The following ABL2 variants were observed in gnomAD, a reference collection of about 807,000 sequenced individuals.
The protein encoded by ABL2 is ABL proto-oncogene 2, non-receptor tyrosine kinase, also known as tyrosine-protein kinase ABL2.
Under a neutral mutation model 107.7 loss-of-function variants are expected in ABL2, and 49 were observed. The ratio of observed to expected loss-of-function variants is 0.45; its 90% CI spans 0.36 to 0.58. The LOEUF (loss-of-function observed/expected upper bound fraction) is 0.58, where lower values mean the gene tolerates loss of function less well. Among genes scored for constraint, ABL2 ranks in the 20% least tolerant of loss-of-function variants. ABL2 has a pLI of 0.00. For synonymous variants in ABL2, 549 were observed against 548.6 expected (o/e 1.00, Z -0.01); for missense variants, 1,245 against 1,457.0 (o/e 0.85, Z 2.37).
intron 1 of ABL2, among the ~76,000 whole-genome samples, chr1:179,161,619 G>A (rs1260502823): frequency 2.6e-5 from 4 of 152,186 alleles, no homozygotes; most frequent in Non-Finnish European, 1.5e-5. Context: ...GCTGAGACAG[G>A]AGGATTGCTT....
In ABL2 at chr1:179,121,672, C is replaced by G; in HGVS notation, c.883G>C (p.Gly295Arg). Residue 295 changes from glycine to arginine, a missense_variant, in exon 5 of 12, where the codon GGG becomes CGG. Coordinates refer to ENST00000502732, the MANE Select transcript of ABL2 (RefSeq NM_007314.4). ...TAAACCTCTCCATACTGACCGCCCCCAAGTTTGTGCTTCATGGTAATATCT... is the reference window on the plus strand; with the variant it reads ...TAAACCTCTCCATACTGACCGCCCCGAAGTTTGTGCTTCATGGTAATATCT... ...RTDITMKHKL[G>R]GGQYGEVYVG... 3.1e-6 allele frequency: 5 copies of G among 1,614,192 alleles called. No homozygotes were observed. The highest frequency in any genetic ancestry group is 4.2e-6 in the Non-Finnish European group (5 of 1,180,040).
chr1:179,212,742 A>G (rs1190339606), intron 1 of ABL2, among the ~76,000 whole-genome samples: 2 of 147,050 alleles, frequency 1.4e-5, no homozygotes, highest in Non-Finnish European at 3.0e-5. Context: ...TCAAAAAAAA[A>G]AGAAAGAAAT....
At chr1:179,136,962 C>T (rs545728326) in intron 1 of ABL2, among the ~76,000 whole-genome samples, 131 of 149,944 alleles carry the variant, frequency 8.7e-4, no homozygotes, top group Non-Finnish European at 1.7e-3. Context: ...GATATACACA[C>T]AGAAATTCCT....
Position 179,108,974 on chromosome 1 carries a change from C to A in ABL2, c.2293G>T (p.Ala765Ser), listed in dbSNP as rs754137125. ...TCATCACTGGCTGTGGGTTTACCTGCTCGTAAGCCCAGTGTCTTTTTGATT... is the reference window on the plus strand; with the variant it reads ...TCATCACTGGCTGTGGGTTTACCTGATCGTAAGCCCAGTGTCTTTTTGATT... ...RLIKKTLGLRAGKPTASDDTS... is the reference protein window; with the variant it reads ...RLIKKTLGLRSGKPTASDDTS... Residue 765 changes from alanine to serine, a missense_variant, in exon 12 of 12, where the codon GCA becomes TCA. Ala to Ser is a moderately conservative substitution (Grantham distance 99). Transcript: ENST00000502732. 6.2e-7 allele frequency: 1 copy of A among 1,614,000 alleles called. No homozygotes were observed.
intron 1 of ABL2, among the ~76,000 whole-genome samples, chr1:179,161,178 C>CAT (rs1467609674): frequency 1.3e-5 from 2 of 152,066 alleles, no homozygotes; most frequent in East Asian, 3.9e-4. Flanking sequence ...TGATAAGCTA[C>CAT]ATACCCCTCT....
rs1246870515 is a variant in ABL2 at position 179,099,853 on chromosome 1, G to GT, written c.*7864dup. 1 of 232,478 alleles carries GT rather than the reference G, an allele frequency of 4.3e-6. No individual in the cohort carries two copies. Among genetic ancestry groups the GT allele is most frequent in the African/African-American group, 2.2e-5 (1 of 45,326 alleles). 14.4% of individuals were successfully genotyped at this position (232,478 alleles called of 1,614,324 possible). A position where few individuals can be genotyped will look rare whatever the true frequency, so the allele number is the denominator to read the frequency against. ...AGAATCAGACTGCAGAGAAGGAAAA[G>GT]TGCAGGGTCTGGGAGGAGATGGAGG... On this transcript the variant is annotated 3_prime_UTR_variant, in exon 12 of 12. Coordinates refer to ENST00000502732, the MANE Select transcript of ABL2 (RefSeq NM_007314.4).
chr1:179,157,146 G>A (rs1658746737), intron 1 of ABL2, among the ~76,000 whole-genome samples: 1 of 152,020 alleles, frequency 6.6e-6, no homozygotes, highest in Admixed American at 6.6e-5. Flanking sequence ...ACTTTCTGTG[G>A]ACTGACATGA....
At chr1:179,184,660 A>G in intron 1 of ABL2, 2 of 490,878 alleles carry the variant, frequency 4.1e-6, no homozygotes, top group Non-Finnish European at 3.7e-6. Context: ...TGATAAAGGG[A>G]AGGAAGGACA....
At chr1:179,135,828 T>TG (rs1325439094) in intron 1 of ABL2, among the ~76,000 whole-genome samples, 2 of 103,634 alleles carry the variant, frequency 1.9e-5, no homozygotes, top group Non-Finnish European at 3.8e-5. Context: ...GGGAGGGAGG[T>TG]GGGGGGGTCA....
intron 1 of ABL2, among the ~76,000 whole-genome samples, chr1:179,184,744 C>T (rs1173121864): frequency 1.3e-5 from 2 of 152,132 alleles, no homozygotes; most frequent in African/African-American, 4.8e-5. Flanking sequence ...TCTCCAGTCC[C>T]TGGGAGTAAG....
At chr1:179,184,368 G>A (rs1660562138) in intron 1 of ABL2, 2 of 710,496 alleles carry the variant, frequency 2.8e-6, no homozygotes, top group East Asian at 2.8e-5. Context: ...TGGAAAGGAT[G>A]CGATGAAACA....
chr1:179,209,356 C>T (rs28991589), intron 1 of ABL2, among the ~76,000 whole-genome samples: 2,489 of 152,314 alleles, frequency 0.016, 71 homozygotes, highest in African/African-American at 0.056. Context: ...CTTCTACACG[C>T]TGTCCACTCT....
At chr1:179,112,015 A>T (rs1654125443) in intron 10 of ABL2, among the ~76,000 whole-genome samples, 1 of 152,078 alleles carries the variant, frequency 6.6e-6, no homozygotes, top group African/African-American at 2.4e-5. Flanking sequence ...ACTGCACTCC[A>T]GCCTGGGTGA....
In ABL2 at chr1:179,106,650, A is replaced by G; in HGVS notation, c.*1068T>C. On this transcript the variant is annotated 3_prime_UTR_variant, in exon 12 of 12. Transcript: ENST00000502732. ...AAGGTACAGAGAAACAGCCATTAGG[A>G]CCAAGCCAGCTTTTCCTCTCAGTCA... The G allele has an allele frequency of 4.3e-6, 1 of 232,348 alleles. No homozygotes were observed. 14.4% of individuals were successfully genotyped at this position (232,348 alleles called of 1,614,324 possible). A position where few individuals can be genotyped will look rare whatever the true frequency, so the allele number is the denominator to read the frequency against.
At chr1:179,189,814 T>C (rs905433192) in intron 1 of ABL2, among the ~76,000 whole-genome samples, 16 of 151,844 alleles carry the variant, frequency 1.1e-4, no homozygotes, top group Admixed American at 6.6e-5. Context: ...CTGGGTGTCT[T>C]ACCATTTTTT....
chr1:179,166,776 C>CAAA (rs34173352), intron 1 of ABL2, among the ~76,000 whole-genome samples: 7 of 75,338 alleles, frequency 9.3e-5, no homozygotes, highest in Admixed American at 1.4e-4. Flanking sequence ...GACTTCATCT[C>CAAA]AAAAAAAAAA....
intron 8 of ABL2, among the ~76,000 whole-genome samples, chr1:179,116,150 G>C (rs184930778): frequency 6.6e-6 from 1 of 152,224 alleles, no homozygotes; most frequent in South Asian, 2.1e-4. Context: ...AAGGCAGGTG[G>C]ATCATTTGAG....
intron 2 of ABL2, among the ~76,000 whole-genome samples, chr1:179,133,047 C>T (rs1270745210): frequency 3.3e-5 from 5 of 151,710 alleles, no homozygotes; most frequent in Non-Finnish European, 5.9e-5. Flanking sequence ...TCAGTAGAGA[C>T]GAAGTTTCAC....
chr1:179,126,237 CA>C lies in ABL2; in HGVS notation c.687+139del. ...TTCAAGAGTACAAGCTCTAACATGC[CA>C]AAAAGCCCAAACTCACAAAGCTAGT... On this transcript the variant is annotated intron_variant, in intron 4 of 11. Coordinates refer to ENST00000502732, the MANE Select transcript of ABL2 (RefSeq NM_007314.4). The surrounding 1 kb of genome is among the most constrained non-coding windows in gnomAD (Gnocchi z 4.4). 1 of 1,010,742 alleles carries C rather than the reference CA, an allele frequency of 9.9e-7. No homozygotes were observed. The highest frequency in any genetic ancestry group is 1.4e-6 in the Non-Finnish European group (1 of 703,676). The allele number at this position is 1,010,742 out of a possible 1,614,324, so 62.6% of individuals were successfully genotyped here. A position where few individuals can be genotyped will look rare whatever the true frequency, so the allele number is the denominator to read the frequency against.
Sources: gnomAD v4.1 joint callset for allele counts (sites outside exome capture counted in the v4.1 genomes callset) on GRCh38, gnomAD v4.1.1 for gene constraint, Gnocchi (gnomAD v3.1) non-coding constraint, MANE v1.5 for transcripts, NCBI Gene and HGNC (gene_info 2026-07-23, HGNC 2026-07-21) for gene names.